KCND3: variants seen among roughly 807,000 people sequenced by gnomAD.
KCND3 encodes the protein potassium voltage-gated channel subfamily D member 3.
A neutral mutation model predicts 51.1 loss-of-function variants in KCND3; 9 were observed. That is an observed-to-expected ratio of 0.18 (90% CI 0.11 to 0.31). The LOEUF is 0.31. KCND3 is among the 10% of genes least tolerant of loss of function. KCND3 has a pLI of 1.00. For missense variants in KCND3, 526 were observed against 903.8 expected (o/e 0.58, Z 5.36); for synonymous variants, 349 against 368.0 (o/e 0.95, Z 0.59).
intron 2 of KCND3, among the ~76,000 whole-genome samples, chr1:111,858,756 G>A (rs1345878890): frequency 6.6e-6 from 1 of 152,064 alleles, no homozygotes; most frequent in African/African-American, 2.4e-5. Flanking sequence ...CTCCTACAAG[G>A]CCTTCCATGA....
chr1:111,909,021 T>A (rs1265274069), intron 2 of KCND3, among the ~76,000 whole-genome samples: 1 of 151,148 alleles, frequency 6.6e-6, no homozygotes, highest in Non-Finnish European at 1.5e-5. Flanking sequence ...AAACAGTTTC[T>A]ATAGGCATCA....
chr1:111,866,480 G>T (rs927192285), intron 2 of KCND3, among the ~76,000 whole-genome samples: 1 of 151,630 alleles, frequency 6.6e-6, no homozygotes, highest in Non-Finnish European at 1.5e-5. Flanking sequence ...GCCCATGCTG[G>T]TCTTGAATCC....
intron 2 of KCND3, among the ~76,000 whole-genome samples, chr1:111,901,067 T>G (rs1231737906): frequency 6.6e-6 from 1 of 152,222 alleles, no homozygotes; most frequent in Non-Finnish European, 1.5e-5. Context: ...CACAGCAATG[T>G]CACATATTAT....
intron 2 of KCND3, among the ~76,000 whole-genome samples, chr1:111,849,561 G>A (rs1667713580): frequency 6.6e-6 from 1 of 152,198 alleles, no homozygotes; most frequent in Admixed American, 6.5e-5. Flanking sequence ...CCAAGCTCTG[G>A]GTACAATCCC....
intron 2 of KCND3, among the ~76,000 whole-genome samples, chr1:111,947,695 C>A (rs1469217838): frequency 6.6e-6 from 1 of 152,162 alleles, no homozygotes; most frequent in Non-Finnish European, 1.5e-5. Context: ...TTTTCTTCAT[C>A]TGTCTGGGGC....
chr1:111,929,636 G>GA (rs1164677301), intron 2 of KCND3, among the ~76,000 whole-genome samples: 2 of 152,158 alleles, frequency 1.3e-5, no homozygotes. Flanking sequence ...GGGGCTCCCA[G>GA]AAAAAAGTGT....
At chr1:111,784,725 C>T (rs1253155151) in intron 3 of KCND3, among the ~76,000 whole-genome samples, 5 of 152,020 alleles carry the variant, frequency 3.3e-5, no homozygotes, top group African/African-American at 4.8e-5. Context: ...CCCAAGGTGA[C>T]AGACACAGAG....
At chr1:111,830,101 T>C (rs538413455) in intron 2 of KCND3, among the ~76,000 whole-genome samples, 13 of 152,358 alleles carry the variant, frequency 8.5e-5, no homozygotes, top group African/African-American at 3.1e-4. Context: ...TATTCATTTA[T>C]TATCTGCTTC....
chr1:111,874,412 C>T (rs77319195), intron 2 of KCND3, among the ~76,000 whole-genome samples: 1 of 152,106 alleles, frequency 6.6e-6, no homozygotes, highest in Non-Finnish European at 1.5e-5. Flanking sequence ...TCCAGAAGTT[C>T]TTTTCTTTGT....
chr1:111,827,157 GT>G (rs1666615322), intron 2 of KCND3, among the ~76,000 whole-genome samples: 1 of 152,230 alleles, frequency 6.6e-6, no homozygotes, highest in Non-Finnish European at 1.5e-5. Flanking sequence ...GCACAGAGTG[GT>G]TAAGTAGTTT....
intron 2 of KCND3, among the ~76,000 whole-genome samples, chr1:111,805,005 C>T (rs1184227138): frequency 1.3e-5 from 2 of 152,144 alleles, no homozygotes; most frequent in Admixed American, 6.5e-5. Context: ...GCTGACAGCA[C>T]GGGTGAAGCA....
intron 2 of KCND3, among the ~76,000 whole-genome samples, chr1:111,891,800 G>C (rs1393909985): frequency 1.3e-5 from 2 of 152,252 alleles, no homozygotes; most frequent in South Asian, 4.1e-4. Context: ...TCTGTACTTA[G>C]TTTCTTGCCA....
At chr1:111,818,199 G>A (rs565127509) in intron 2 of KCND3, among the ~76,000 whole-genome samples, 32 of 152,312 alleles carry the variant, frequency 2.1e-4, no homozygotes, top group Admixed American at 1.9e-3. Context: ...GTGGGGAGGG[G>A]ATTTGGAGCA....
chr1:111,861,591 G>A (rs1240128665), intron 2 of KCND3, among the ~76,000 whole-genome samples: 1 of 152,114 alleles, frequency 6.6e-6, no homozygotes, highest in East Asian at 1.9e-4. Context: ...GCAGGAGGGG[G>A]CCCACCGGCA....
chr1:111,775,862 A>G lies in KCND3; in HGVS notation c.*215T>C, dbSNP rs12033257. The G allele has an allele frequency of 0.42, 127,671 of 303,530 alleles. 26,814 individuals are homozygous for G. Among genetic ancestry groups the G allele is most frequent in the East Asian group, 0.7 (9,436 of 13,524 alleles). The allele number at this position is 303,530 out of a possible 1,614,324, so 18.8% of individuals were successfully genotyped here. A position where few individuals can be genotyped will look rare whatever the true frequency, so the allele number is the denominator to read the frequency against. ...CCTTCCTCTGGCCCCAGTGAGATGC[A>G]GTATCACAGGGCTATGTCCACGCTA... On this transcript the variant is annotated 3_prime_UTR_variant, in exon 8 of 8. Coordinates refer to ENST00000302127, the MANE Select transcript of KCND3 (RefSeq NM_001378969.1).
chr1:111,790,950 C>T (rs972370559), intron 2 of KCND3, among the ~76,000 whole-genome samples: 1 of 152,222 alleles, frequency 6.6e-6, no homozygotes, highest in African/African-American at 2.4e-5. Flanking sequence ...GGGTAGACCA[C>T]ATTTTGTTAA....
At chr1:111,846,604 T>C (rs1667562434) in intron 2 of KCND3, among the ~76,000 whole-genome samples, 1 of 152,196 alleles carries the variant, frequency 6.6e-6, no homozygotes, top group Admixed American at 6.5e-5. Flanking sequence ...TCTTCATGCT[T>C]CCCCTTCCTC....
At chr1:111,971,578 A>AT (rs572942746) in intron 2 of KCND3, among the ~76,000 whole-genome samples, 3 of 151,620 alleles carry the variant, frequency 2.0e-5, no homozygotes, top group African/African-American at 7.3e-5. Context: ...AATCTCATCT[A>AT]TTTTTTCTGC....
At chr1:111,857,069 C>T (rs940464659) in intron 2 of KCND3, among the ~76,000 whole-genome samples, 1 of 152,214 alleles carries the variant, frequency 6.6e-6, no homozygotes, top group Non-Finnish European at 1.5e-5. Flanking sequence ...TCTCTGCCTC[C>T]ACCCAGTTCC....
Sources: gnomAD v4.1 joint callset for allele counts (sites outside exome capture counted in the v4.1 genomes callset) on GRCh38, gnomAD v4.1.1 for gene constraint, MANE v1.5 for transcripts, NCBI Gene and HGNC (gene_info 2026-07-23, HGNC 2026-07-21) for gene names.